Variants in SEMA4F observed in about 807,000 individuals in gnomAD.
SEMA4F encodes ssemaphorin 4F.
A neutral mutation model predicts 78.4 loss-of-function variants in SEMA4F; 51 were observed. The observed-to-expected ratio is 0.65, with a 90% confidence interval of 0.52 to 0.82. SEMA4F has a LOEUF of 0.82. Ranked by LOEUF, SEMA4F falls within the 40% of genes least tolerant of loss-of-function variation. The pLI, the probability that SEMA4F is intolerant of heterozygous loss-of-function variation, is 0.00. For synonymous variants in SEMA4F, 418 were observed against 408.7 expected (o/e 1.02, Z -0.27); for missense variants, 938 against 1,014.4 (o/e 0.92, Z 1.02).
chr2:74,675,691 T>G, intron 11 of SEMA4F, 57 bp downstream of exon 11: 1 of 1,613,390 alleles, frequency 6.2e-7, no homozygotes, highest in Non-Finnish European at 8.5e-7. Context: ...AGAGCCAGTT[T>G]GTGACCCTGA....
chr2:74,696,441 AC>A, the SEMA4F span, among the ~76,000 whole-genome samples: 2 of 151,962 alleles, frequency 1.3e-5, no homozygotes, highest in African/African-American at 4.8e-5. Flanking sequence ...CAGGTGATCC[AC>A]CCACCTCGGC....
chr2:74,677,893 GA>G (rs1685381967), intron 12 of SEMA4F, among the ~76,000 whole-genome samples: 1 of 152,184 alleles, frequency 6.6e-6, no homozygotes, highest in Non-Finnish European at 1.5e-5. Flanking sequence ...AGATATGAAA[GA>G]AAAAACTGGC....
chr2:74,688,338 A>C (rs1685860057), downstream of SEMA4F, among the ~76,000 whole-genome samples: 1 of 152,212 alleles, frequency 6.6e-6, no homozygotes, highest in South Asian at 2.1e-4. Flanking sequence ...GAACATGATC[A>C]TATTTCAATA....
At position 74,681,795 on chromosome 2, in the gene SEMA4F, C is replaced by T. The variant is rs563683047; in HGVS notation, c.*1586C>T. 6.5e-6 allele frequency: 1 copy of T among 152,856 alleles called. No homozygotes were observed. Among genetic ancestry groups the T allele is most frequent in the East Asian group, 1.9e-4 (1 of 5,174 alleles). The allele number at this position is 152,856 out of a possible 1,614,324, so 9.5% of individuals were successfully genotyped here. The stretch of plus-strand genomic sequence containing the variant: ...CCCTGGTGCTTGAGCCCCTCAAGCT[C>T]CAGTCAATGATCCAGTCCTTCCCCT... On this transcript the variant is annotated 3_prime_UTR_variant, in exon 14 of 14. Coordinates refer to ENST00000357877, the MANE Select transcript of SEMA4F (RefSeq NM_004263.5).
chr2:74,706,237 T>C, the SEMA4F span, among the ~76,000 whole-genome samples: 2 of 152,184 alleles, frequency 1.3e-5, no homozygotes, highest in African/African-American at 4.8e-5. Context: ...CTGAGGCTCA[T>C]AGAAGATTAG....
rs572382423 is a variant in SEMA4F, at chr2:74,679,634, G to T, written c.1738G>T (p.Ala580Ser). Residue 580 changes from alanine to serine, a missense_variant, in exon 14 of 14, where the codon GCT becomes TCT. Transcript: ENST00000357877. ...PVVFEVPVAT[A>S]AHVVLPCSPS... Reference sequence around the variant, plus strand: ...AGTGTTTGAAGTTCCCGTGGCTACAGCTGCGCATGTGGTCTTGCCATGTTC... The same window carrying T: ...AGTGTTTGAAGTTCCCGTGGCTACATCTGCGCATGTGGTCTTGCCATGTTC... The T allele has an allele frequency of 6.2e-7, 1 of 1,609,156 alleles. No homozygotes were observed. Among genetic ancestry groups the T allele is most frequent in the African/African-American group, 1.3e-5 (1 of 74,986 alleles).
At chr2:74,657,331 T>C (rs1480410959) in intron 2 of SEMA4F, among the ~76,000 whole-genome samples, 4 of 152,234 alleles carry the variant, frequency 2.6e-5, no homozygotes, top group African/African-American at 4.8e-5. Flanking sequence ...CTACCTCTTA[T>C]ATGTGATACA....
At chr2:74,694,145 C>A in the SEMA4F span, among the ~76,000 whole-genome samples, 9 of 152,078 alleles carry the variant, frequency 5.9e-5, no homozygotes, top group Non-Finnish European at 2.9e-5. Context: ...AATTGCTGCA[C>A]GTGTGTGTGC....
At chr2:74,698,408 T>C in the SEMA4F span, among the ~76,000 whole-genome samples, 3 of 152,200 alleles carry the variant, frequency 2.0e-5, no homozygotes, top group East Asian at 1.9e-4. Flanking sequence ...GGGTACATTG[T>C]CTTATAGATG....
intron 1 of SEMA4F, among the ~76,000 whole-genome samples, chr2:74,656,012 A>ATT (rs35061970): frequency 5.5e-5 from 8 of 145,560 alleles, no homozygotes; most frequent in African/African-American, 2.0e-4. Flanking sequence ...TGAGGTTTAG[A>ATT]TTTTTTTTTT....
At chr2:74,698,519 C>T in the SEMA4F span, among the ~76,000 whole-genome samples, 1 of 152,138 alleles carries the variant, frequency 6.6e-6, no homozygotes, top group Non-Finnish European at 1.5e-5. Flanking sequence ...AACTCAGTCA[C>T]AAAAGTCCTT....
chr2:74,666,786 T>G (rs1165168261), intron 5 of SEMA4F, among the ~76,000 whole-genome samples: 1 of 152,168 alleles, frequency 6.6e-6, no homozygotes, highest in African/African-American at 2.4e-5. Context: ...AAAAATGTCC[T>G]TAAAGATAAT....
chr2:74,693,048 G>A, the SEMA4F span, among the ~76,000 whole-genome samples: 1 of 152,276 alleles, frequency 6.6e-6, no homozygotes, highest in African/African-American at 2.4e-5. Flanking sequence ...ATATATTTTG[G>A]TGGATTTCCT....
rs376242708 is a variant in SEMA4F at position 74,674,831 on chromosome 2, A to G, written c.1002-57A>G. ...CGGGGGTCATCTCATTTGACAAGGG[A>G]TGAGTTGCTATCCCCCAGACCCCTC... On this transcript the variant is annotated intron_variant, in intron 8 of 13. Transcript: ENST00000357877. The G allele has an allele frequency of 9.3e-5, 147 of 1,587,910 alleles. 1 individual carries two copies. The East Asian group carries it at 2.9e-3, about 31-fold the overall frequency.
intron 9 of SEMA4F, 62 bp downstream of exon 9, chr2:74,675,097 C>G: frequency 6.2e-7 from 1 of 1,613,352 alleles, no homozygotes; most frequent in Non-Finnish European, 8.5e-7. Flanking sequence ...GCAAGAGCCC[C>G]ACTAAGCATC....
rs367855440 is a variant in SEMA4F at position 74,661,851 on chromosome 2, C to T, written c.457-881C>T. ...AGGCTCCAATGACACCATATGCCCA[C>T]GCCAGTTTGTGAACTAAAGATATCA... On this transcript the variant is annotated intron_variant, in intron 4 of 13. Coordinates refer to ENST00000357877, the MANE Select transcript of SEMA4F (RefSeq NM_004263.5). Among the ~76,000 whole-genome samples, 32 of 152,312 alleles carry T rather than the reference C, an allele frequency of 2.1e-4. 1 individual carries two copies. The highest frequency in any genetic ancestry group is 2.1e-3 in the South Asian group (10 of 4,824).
At chr2:74,655,028 T>C (rs1338657428) in intron 1 of SEMA4F, among the ~76,000 whole-genome samples, 3 of 152,152 alleles carry the variant, frequency 2.0e-5, no homozygotes, top group African/African-American at 7.2e-5. Flanking sequence ...AGCATTTCCA[T>C]CTTCTCCAAT....
At chr2:74,701,422 C>T in the SEMA4F span, among the ~76,000 whole-genome samples, 17 of 152,314 alleles carry the variant, frequency 1.1e-4, no homozygotes, top group African/African-American at 4.1e-4. Flanking sequence ...TCTAGTCGAA[C>T]TCAGCTATAG....
At chr2:74,660,320 A>G (rs1684362788) in intron 4 of SEMA4F, among the ~76,000 whole-genome samples, 1 of 152,268 alleles carries the variant, frequency 6.6e-6, no homozygotes, top group African/African-American at 2.4e-5. Context: ...TCTAGCCTGC[A>G]GCCCAGAAGA....
Sources: allele counts gnomAD v4.1 joint callset (sites outside exome capture counted in the v4.1 genomes callset), GRCh38; gene constraint gnomAD v4.1.1; transcripts MANE v1.5; gene names NCBI Gene and HGNC (gene_info 2026-07-23, HGNC 2026-07-21).